Variants in SPATA7 observed in about 807,000 individuals in gnomAD.
The protein encoded by SPATA7 is spermatogenesis-associated protein 7.
Under a neutral mutation model 51.8 loss-of-function variants are expected in SPATA7, and 43 were observed. That is an observed-to-expected ratio of 0.83 (90% CI 0.65 to 1.07). The LOEUF (loss-of-function observed/expected upper bound fraction) is 1.07, where lower values mean the gene tolerates loss of function less well. Ranked by LOEUF, SPATA7 falls within the 50% of genes least tolerant of loss-of-function variation. The pLI is 0.00. For missense variants in SPATA7, 683 were observed against 701.3 expected (o/e 0.97, Z 0.30); for synonymous variants, 230 against 252.8 (o/e 0.91, Z 0.86).
chr14:88,466,190 CT>C (rs2077360133), intron 4 of SPATA7: 1 of 152,064 alleles, frequency 6.6e-6, no homozygotes, highest in Admixed American at 6.6e-5. Context: ...TTCTACTGTT[CT>C]TTAAACAGGA....
intron 10 of SPATA7, among the ~76,000 whole-genome samples, chr14:88,437,203 T>TTGTGTG (rs142237850): frequency 6.7e-6 from 1 of 148,614 alleles, no homozygotes; most frequent in South Asian, 2.1e-4. Context: ...TAGGGTTTGG[T>TTGTGTG]TGTGTGTGTG....
intron 5 of SPATA7, among the ~76,000 whole-genome samples, chr14:88,424,248 T>C (rs192033273): frequency 1.8e-3 from 273 of 152,336 alleles, no homozygotes; most frequent in African/African-American, 6.5e-3. Context: ...TTCATGATAT[T>C]CATAGCTAAA....
Position 88,427,648 on chromosome 14 carries a change from G to A in SPATA7, c.864G>A (p.Gly288=). ...QTELSFKSEL[G]TAETKNMTDS... ...ATTACAGCTTTAAATCTGAGTTGGG[G>A]ACAGCTGAGACTAAAAACATGACAG... The change falls in exon 7 of 12, where the codon GGG becomes GGA. Residue 288 remains glycine, a synonymous_variant. Transcript: ENST00000393545. The A allele has an allele frequency of 1.2e-6, 2 of 1,608,916 alleles. No homozygotes were observed. The highest frequency in any genetic ancestry group is 1.1e-5 in the South Asian group (1 of 90,770).
chr14:88,425,683 A>AAT, intron 5 of SPATA7, among the ~76,000 whole-genome samples: 1 of 152,246 alleles, frequency 6.6e-6, no homozygotes, highest in East Asian at 1.9e-4. Context: ...GAAGTTGAGA[A>AAT]ATATATATGA....
At chr14:88,424,249 C>T (rs1335576697) in intron 5 of SPATA7, among the ~76,000 whole-genome samples, 2 of 152,094 alleles carry the variant, frequency 1.3e-5, no homozygotes, top group Non-Finnish European at 2.9e-5. Flanking sequence ...TCATGATATT[C>T]ATAGCTAAAG....
chr14:88,429,055 C>T (rs2076869714), intron 7 of SPATA7: 1 of 222,182 alleles, frequency 4.5e-6, no homozygotes, highest in African/African-American at 2.3e-5. Flanking sequence ...CTCAAACTTA[C>T]TTAAAAGTTG....
At chr14:88,437,452 C>A in intron 10 of SPATA7, 91 bp from the exon 11 acceptor site, 1 of 906,052 alleles carries the variant, frequency 1.1e-6, no homozygotes, top group Non-Finnish European at 1.8e-6. Flanking sequence ...AAACATTTTT[C>A]AACCTTTGTA....
chr14:88,394,304 C>G (rs924589464), intron 3 of SPATA7, among the ~76,000 whole-genome samples: 2 of 152,162 alleles, frequency 1.3e-5, no homozygotes, highest in African/African-American at 4.8e-5. Context: ...AGAGTTCCCC[C>G]TAGTCCTTTG....
chr14:88,470,035 T>C lies in SPATA7; in HGVS notation c.*168T>C, dbSNP rs866533218. Reference sequence around the variant, plus strand: ...TGTGTGGCAATATAATCCCATTCGATTCCACTGACAGAGACCTGGGATTAG... The same window carrying C: ...TGTGTGGCAATATAATCCCATTCGACTCCACTGACAGAGACCTGGGATTAG... On this transcript the variant is annotated 3_prime_UTR_variant, in exon 5 of 5. Coordinates refer to the SPATA7 transcript ENST00000556406. 9.9e-6 allele frequency: 16 copies of C among 1,613,012 alleles called. No homozygotes were observed. Among genetic ancestry groups the C allele is most frequent in the African/African-American group, 9.3e-5 (7 of 74,896 alleles).
At chr14:88,470,210 C>A in exon 5 of SPATA7, 1 of 670,030 alleles carries the variant, frequency 1.5e-6, no homozygotes, top group Non-Finnish European at 2.5e-6. Flanking sequence ...GACTTTTCAT[C>A]TTTTCCCTTG....
chr14:88,412,788 A>G (rs1012164006), intron 4 of SPATA7, among the ~76,000 whole-genome samples: 6 of 152,192 alleles, frequency 3.9e-5, no homozygotes, highest in South Asian at 2.1e-4. Flanking sequence ...TTTGCATTGC[A>G]CAAGCTTTTT....
intron 4 of SPATA7, among the ~76,000 whole-genome samples, chr14:88,405,336 G>A (rs2076174106): frequency 6.6e-6 from 1 of 152,200 alleles, no homozygotes; most frequent in Non-Finnish European, 1.5e-5. Flanking sequence ...GCAAGCCATT[G>A]GAGGGTCTTG....
intron 4 of SPATA7, among the ~76,000 whole-genome samples, chr14:88,415,645 T>C (rs959939508): frequency 5.9e-5 from 9 of 152,202 alleles, no homozygotes; most frequent in African/African-American, 2.2e-4. Context: ...ATGGTGGTGT[T>C]TGCTGTTTGC....
chr14:88,390,719 G>T (rs2075720120), intron 1 of SPATA7, among the ~76,000 whole-genome samples: 1 of 152,120 alleles, frequency 6.6e-6, no homozygotes, highest in African/African-American at 2.4e-5. Flanking sequence ...ATTGAATTCT[G>T]GACAAGAAAA....
chr14:88,427,822 T>C, intron 7 of SPATA7, 126 bp downstream of exon 7: 2 of 741,546 alleles, frequency 2.7e-6, no homozygotes, highest in Non-Finnish European at 4.7e-6. Flanking sequence ...ATACATGATA[T>C]AGCCAGTATA....
At chr14:88,449,098 T>C (rs2077233962) in intron 3 of SPATA7, among the ~76,000 whole-genome samples, 1 of 152,188 alleles carries the variant, frequency 6.6e-6, no homozygotes, top group Non-Finnish European at 1.5e-5. Flanking sequence ...TTTCTTTACT[T>C]CTGCTGGGTT....
chr14:88,437,537 T>C lies in SPATA7; in HGVS notation c.1161-6T>C. On this transcript the variant is annotated splice_polypyrimidine_tract_variant and splice_region_variant and intron_variant, in intron 10 of 11. Coordinates refer to ENST00000393545, the MANE Select transcript of SPATA7 (RefSeq NM_018418.5). ...AGACATTAACATTTTTGTTTATCAT[T>C]TGTAGGTTTTTAGAACGACTGTTCG... is the stretch of plus-strand genomic sequence containing the variant. The C allele has an allele frequency of 1.2e-6, 2 of 1,605,068 alleles. No individual in the cohort carries two copies. Among genetic ancestry groups the C allele is most frequent in the South Asian group, 2.2e-5 (2 of 90,250 alleles).
At chr14:88,388,811 A>G (rs1032304503) in intron 1 of SPATA7, among the ~76,000 whole-genome samples, 1 of 152,224 alleles carries the variant, frequency 6.6e-6, no homozygotes, top group Admixed American at 6.5e-5. Context: ...TACTCAAAGA[A>G]GGACAATTTG....
chr14:88,415,231 G>T (rs74521502), intron 4 of SPATA7: 4,049 of 354,938 alleles, frequency 0.011, 162 homozygotes, highest in African/African-American at 0.077. Context: ...ATGAATCTGG[G>T]TGCTCCAGTG....
Sources: allele counts gnomAD v4.1 joint callset (sites outside exome capture counted in the v4.1 genomes callset), GRCh38; gene constraint gnomAD v4.1.1; transcripts MANE v1.5; gene names NCBI Gene and HGNC (gene_info 2026-07-23, HGNC 2026-07-21).